Variants in COL4A2 observed in about 807,000 individuals in gnomAD.
COL4A2 encodes collagen alpha-2(IV) chain.
A neutral mutation model predicts 200.2 loss-of-function variants in COL4A2; 99 were observed. The observed-to-expected ratio is 0.49, with a 90% CI of 0.42 to 0.58. The LOEUF is 0.58. Ranked by LOEUF, COL4A2 falls within the 20% of genes least tolerant of loss-of-function variation. The pLI is 0.00. For missense variants in COL4A2, 1,950 were observed against 2,314.1 expected (o/e 0.84, Z 3.23); for synonymous variants, 897 against 900.6 (o/e 1.00, Z 0.07).
intron 4 of COL4A2, among the ~76,000 whole-genome samples, chr13:110,370,096 C>A (rs1230985021): frequency 6.6e-6 from 1 of 151,926 alleles, no homozygotes. Context: ...ATGATTTCCC[C>A]CTGTATTTGG....
chr13:110,388,547 TGAGA>T (rs1415755748), intron 4 of COL4A2, among the ~76,000 whole-genome samples: 4 of 152,238 alleles, frequency 2.6e-5, no homozygotes, highest in Non-Finnish European at 4.4e-5. Context: ...AATGTGTTTA[TGAGA>T]GAGACAGTTT....
chr13:110,430,359 G>A (rs1353395457), intron 8 of COL4A2, 42 bp from the exon 9 acceptor site: 2 of 1,601,154 alleles, frequency 1.2e-6, no homozygotes, highest in Non-Finnish European at 1.7e-6. Context: ...ATCTAAAGAT[G>A]GTTAAAAGCT....
intron 4 of COL4A2, among the ~76,000 whole-genome samples, chr13:110,388,755 C>T (rs544281840): frequency 6.6e-6 from 1 of 152,344 alleles, no homozygotes; most frequent in East Asian, 1.9e-4. Context: ...ACTCTGACAT[C>T]AGAATTTGTG....
intron 4 of COL4A2, among the ~76,000 whole-genome samples, chr13:110,362,475 G>A (rs1464220994): frequency 7.0e-6 from 1 of 142,764 alleles, no homozygotes; most frequent in African/African-American, 2.5e-5. Context: ...CACCACACCT[G>A]GCTGATTTTT....
intron 3 of COL4A2, among the ~76,000 whole-genome samples, chr13:110,338,442 GGT>G (rs966445775): frequency 1.3e-4 from 20 of 148,158 alleles, no homozygotes; most frequent in Non-Finnish European, 1.8e-4. Context: ...TGTGGGGGGG[GGT>G]GGGGGTAAAA....
rs749681292 is a variant in COL4A2 at position 110,438,686 on chromosome 13, T to G, written c.912+18T>G. On this transcript the variant is annotated intron_variant, in intron 15 of 47. Transcript: ENST00000360467. ...GACTGAGGGTAAACCACGCCTTTTATAACTGCAGTTGTCGGTTTGGTTTGG... is the reference window on the plus strand; with the variant it reads ...GACTGAGGGTAAACCACGCCTTTTAGAACTGCAGTTGTCGGTTTGGTTTGG... The G allele has an allele frequency of 1.2e-6, 2 of 1,614,220 alleles. No individual in the cohort carries two copies. The highest frequency in any genetic ancestry group is 3.3e-5 in the Admixed American group (2 of 60,032).
At position 110,489,511 on chromosome 13, in the gene COL4A2, G is replaced by A. The variant is rs201539122; in HGVS notation, c.3271+3G>A. 2 of 1,614,192 alleles carry A rather than the reference G, an allele frequency of 1.2e-6. No homozygotes were observed. Among genetic ancestry groups the A allele is most frequent in the African/African-American group, 1.3e-5 (1 of 75,050 alleles). ...GATTGGCGCGACTGGTGATTTCGGT[G>A]AGTGTTGCCCGTCCAGTGAAAACAG... On this transcript the variant is annotated splice_donor_region_variant and intron_variant, in intron 35 of 47. Coordinates refer to ENST00000360467, the MANE Select transcript of COL4A2 (RefSeq NM_001846.4).
intron 4 of COL4A2, among the ~76,000 whole-genome samples, chr13:110,395,604 T>G (rs769809881): frequency 7.9e-5 from 12 of 152,242 alleles, no homozygotes; most frequent in Non-Finnish European, 1.6e-4. Context: ...TGTTTCTAAT[T>G]GAAAACTTTT....
chr13:110,482,698 G>A lies in COL4A2; in HGVS notation c.2902+39G>A, dbSNP rs1594100843. 3.8e-6 allele frequency: 6 copies of A among 1,598,252 alleles called. No individual in the cohort carries two copies. In the East Asian group the frequency reaches 1.1e-4, roughly 30 times the overall value. On this transcript the variant is annotated intron_variant, in intron 32 of 47. Coordinates refer to ENST00000360467, the MANE Select transcript of COL4A2 (RefSeq NM_001846.4). ...TTAACATCCTCCTTACCTGGTCATG[G>A]TGGCATCCTCCTTACCCTTTCTTGG...
intron 26 of COL4A2, among the ~76,000 whole-genome samples, chr13:110,466,264 C>G (rs969947007): frequency 3.3e-5 from 5 of 152,172 alleles, no homozygotes; most frequent in Non-Finnish European, 4.4e-5. Flanking sequence ...AGACATTTAA[C>G]CAAACCCCTC....
At chr13:110,481,802 G>A (rs796465456) in intron 31 of COL4A2, among the ~76,000 whole-genome samples, 57 of 22,772 alleles carry the variant, frequency 2.5e-3, no homozygotes, top group African/African-American at 6.5e-3. Flanking sequence ...CTGTCCCTCC[G>A]TTGCTGGAGA....
At chr13:110,480,098 T>C in intron 30 of COL4A2, 122 bp from the exon 31 acceptor site, 1 of 1,105,422 alleles carries the variant, frequency 9.0e-7, no homozygotes, top group Non-Finnish European at 1.3e-6. Flanking sequence ...CCCAACATGG[T>C]GGTTTTCCAC....
chr13:110,460,725 T>G (rs1881992377), intron 22 of COL4A2, among the ~76,000 whole-genome samples: 1 of 152,154 alleles, frequency 6.6e-6, no homozygotes, highest in African/African-American at 2.4e-5. Context: ...TTTTGTTTGT[T>G]TGTTTTTATT....
Position 110,357,523 on chromosome 13 carries a change from T to A in COL4A2, c.151T>A (p.Cys51Ser). Residue 51 changes from cysteine to serine, a missense_variant, in exon 4 of 48, where the codon TGC becomes AGC. By Grantham distance (112) the Cys-to-Ser change is moderately radical (BLOSUM62 -1). Transcript: ENST00000360467. Reference protein sequence around the residue: ...PCGGRDCSGGCQCYPEKGGRG... With the variant: ...PCGGRDCSGGSQCYPEKGGRG... ...TGGAGGAAGAGATTGCAGTGGGGGC[T>A]GCCAGTGCTACCCTGAGAAAGGTGG... 1.3e-6 allele frequency: 2 copies of A among 1,591,894 alleles called. No individual in the cohort carries two copies. Among genetic ancestry groups the A allele is most frequent in the Non-Finnish European group, 1.7e-6 (2 of 1,166,966 alleles).
intron 4 of COL4A2, among the ~76,000 whole-genome samples, chr13:110,406,630 ACT>A (rs940067799): frequency 9.8e-6 from 1 of 101,746 alleles, no homozygotes; most frequent in Non-Finnish European, 2.4e-5. Context: ...TTTTAGTGGG[ACT>A]CTTTTTTTTT....
chr13:110,504,287 C>A (rs778419392), intron 45 of COL4A2, 23 bp downstream of exon 45: 1 of 1,564,268 alleles, frequency 6.4e-7, no homozygotes, highest in East Asian at 2.2e-5. Flanking sequence ...GGGGAAGGAC[C>A]TTCCCAGGTC....
At chr13:110,425,386 G>C (rs973192920) in intron 6 of COL4A2, among the ~76,000 whole-genome samples, 4 of 152,248 alleles carry the variant, frequency 2.6e-5, no homozygotes, top group Non-Finnish European at 5.9e-5. Context: ...CATTTGTGCA[G>C]CTTCTCAAGT....
chr13:110,489,493 G>A lies in COL4A2; in HGVS notation c.3256G>A (p.Ala1086Thr), dbSNP rs368382267. The A allele has an allele frequency of 2.3e-5, 37 of 1,614,076 alleles. No individual in the cohort carries two copies. Among genetic ancestry groups the A allele is most frequent in the African/African-American group, 2.1e-4 (16 of 74,930 alleles). ...AGCAGGCCTGTATGGCGAGATTGGCGCGACTGGTGATTTCGGTGAGTGTTG... is the reference window on the plus strand; with the variant it reads ...AGCAGGCCTGTATGGCGAGATTGGCACGACTGGTGATTTCGGTGAGTGTTG... ...GRAGLYGEIG[A>T]TGDFGDIGDT... The change falls in exon 35 of 48, where the codon GCG becomes ACG. Residue 1086 changes from alanine to threonine, a missense_variant. This residue lies in a region of COL4A2 where 1,385 missense variants were observed against 1,720.5 expected (regional missense o/e 0.80). Coordinates refer to ENST00000360467, the MANE Select transcript of COL4A2 (RefSeq NM_001846.4).
intron 13 of COL4A2, 138 bp downstream of exon 13, chr13:110,436,505 A>G: frequency 8.5e-7 from 1 of 1,179,070 alleles, no homozygotes; most frequent in Non-Finnish European, 1.1e-6. Flanking sequence ...TGAAAACATA[A>G]CCGGGTCCTC....
Sources: allele counts gnomAD v4.1 joint callset (sites outside exome capture counted in the v4.1 genomes callset), GRCh38; gene constraint gnomAD v4.1.1; regional missense constraint gnomAD v4.1.1; transcripts MANE v1.5; gene names NCBI Gene and HGNC (gene_info 2026-07-23, HGNC 2026-07-21).